The following FBXL17 variants were observed in gnomAD, a reference collection of about 807,000 sequenced individuals.
FBXL17 encodes the protein F-box and leucine rich repeat protein 17.
FBXL17 carries 22 observed loss-of-function variants against 66.2 expected under a neutral mutation model. The observed-to-expected ratio is 0.33, with a 90% CI of 0.24 to 0.47. The LOEUF (loss-of-function observed/expected upper bound fraction) is 0.47. Among genes scored for constraint, FBXL17 ranks in the 20% least tolerant of loss-of-function variants. The probability of loss-of-function intolerance (pLI) is 1.00; values close to 1 mark genes in which losing one functional copy is unlikely to be tolerated. For missense variants in FBXL17, 878 were observed against 948.2 expected (o/e 0.93, Z 0.97); for synonymous variants, 474 against 400.5 (o/e 1.18, Z -2.19).
chr5:108,093,802 T>C (rs1749273526), intron 6 of FBXL17, among the ~76,000 whole-genome samples: 1 of 152,158 alleles, frequency 6.6e-6, no homozygotes, highest in African/African-American at 2.4e-5. Flanking sequence ...TATGTTTTAT[T>C]CTAATGCTTA....
intron 6 of FBXL17, among the ~76,000 whole-genome samples, chr5:108,166,859 T>C (rs1294047929): frequency 2.0e-5 from 3 of 152,242 alleles, no homozygotes; most frequent in Non-Finnish European, 4.4e-5. Context: ...GTATGCTTCC[T>C]GGAATAATTT....
chr5:108,193,996 C>A (rs1209017957), intron 5 of FBXL17, among the ~76,000 whole-genome samples: 1 of 152,076 alleles, frequency 6.6e-6, no homozygotes, highest in African/African-American at 2.4e-5. Context: ...CTTCTAACTC[C>A]TTTTTGCCAC....
At chr5:108,042,173 C>T (rs1276680979) in intron 6 of FBXL17, among the ~76,000 whole-genome samples, 8 of 152,286 alleles carry the variant, frequency 5.3e-5, no homozygotes, top group Admixed American at 1.3e-4. Context: ...GGATTACAGG[C>T]GTGAGCCACC....
intron 4 of FBXL17, among the ~76,000 whole-genome samples, chr5:108,334,922 T>C (rs1760306458): frequency 6.6e-6 from 1 of 152,106 alleles, no homozygotes; most frequent in Admixed American, 6.5e-5. Flanking sequence ...TGTCTGAAAA[T>C]GGAAAAGTCC....
intron 7 of FBXL17, among the ~76,000 whole-genome samples, chr5:107,997,592 T>C (rs766457436): frequency 5.8e-4 from 88 of 152,292 alleles, no homozygotes; most frequent in Non-Finnish European, 7.5e-4. Context: ...CAGGTTTCAT[T>C]ACAAGAGGGC....
chr5:108,339,483 T>C (rs1167835366), intron 4 of FBXL17, among the ~76,000 whole-genome samples: 1 of 152,114 alleles, frequency 6.6e-6, no homozygotes, highest in African/African-American at 2.4e-5. Context: ...AAGACTGCAC[T>C]TCCACACTTG....
At chr5:107,937,754 GC>G (rs1750961405) in intron 7 of FBXL17, among the ~76,000 whole-genome samples, 1 of 152,062 alleles carries the variant, frequency 6.6e-6, no homozygotes, top group Admixed American at 6.6e-5. Flanking sequence ...TCACGTACTT[GC>G]CCCCATCGGC....
intron 5 of FBXL17, among the ~76,000 whole-genome samples, chr5:108,220,343 AC>A (rs1314347454): frequency 6.6e-6 from 1 of 151,942 alleles, no homozygotes; most frequent in Non-Finnish European, 1.5e-5. Context: ...TACCTGAGTT[AC>A]CCCCCAACCT....
intron 4 of FBXL17, among the ~76,000 whole-genome samples, chr5:108,279,228 C>T (rs1468091201): frequency 6.6e-6 from 1 of 152,116 alleles, no homozygotes; most frequent in Non-Finnish European, 1.5e-5. Context: ...AGAAAGACAC[C>T]TAGAGGCCCA....
At chr5:107,914,478 C>A (rs1395858004) in intron 7 of FBXL17, among the ~76,000 whole-genome samples, 6 of 152,174 alleles carry the variant, frequency 3.9e-5, no homozygotes, top group Non-Finnish European at 8.8e-5. Context: ...CCAAATTATT[C>A]AATTTTCCTT....
intron 4 of FBXL17, among the ~76,000 whole-genome samples, chr5:108,334,450 G>A (rs948079081): frequency 1.6e-4 from 24 of 152,108 alleles, no homozygotes; most frequent in African/African-American, 5.8e-4. Context: ...AAAGAATAAA[G>A]GGCATCAAAC....
intron 4 of FBXL17, among the ~76,000 whole-genome samples, chr5:108,268,759 T>C (rs1285043321): frequency 6.6e-6 from 1 of 152,118 alleles, no homozygotes; most frequent in African/African-American, 2.4e-5. Context: ...AAATGGACTA[T>C]ATGAATTACC....
chr5:108,145,017 C>A (rs1352332161), intron 6 of FBXL17, among the ~76,000 whole-genome samples: 1 of 152,024 alleles, frequency 6.6e-6, no homozygotes, highest in African/African-American at 2.4e-5. Context: ...TCAATCAAAA[C>A]CTGCTAGAAC....
chr5:108,095,027 A>C (rs567160450), intron 6 of FBXL17, among the ~76,000 whole-genome samples: 17 of 152,118 alleles, frequency 1.1e-4, no homozygotes, highest in Non-Finnish European at 2.4e-4. Flanking sequence ...GCCAAATATG[A>C]TAAGTGATAT....
At chr5:107,947,566 C>T (rs946964277) in intron 7 of FBXL17, among the ~76,000 whole-genome samples, 3 of 152,202 alleles carry the variant, frequency 2.0e-5, no homozygotes, top group Non-Finnish European at 4.4e-5. Context: ...ATGAGAAGTT[C>T]TCACTAAAAT....
At chr5:108,297,938 A>G in intron 4 of FBXL17, 2 of 970,816 alleles carry the variant, frequency 2.1e-6, no homozygotes, top group Non-Finnish European at 2.4e-6. Context: ...TTTACAGTTT[A>G]TGGCATTATA....
At chr5:108,099,324 G>A (rs1200042389) in intron 6 of FBXL17, among the ~76,000 whole-genome samples, 18 of 152,082 alleles carry the variant, frequency 1.2e-4, no homozygotes. Flanking sequence ...GTTTTCTTAG[G>A]CTAGGCCTGA....
chr5:107,982,022 T>C (rs1218584223), intron 7 of FBXL17, among the ~76,000 whole-genome samples: 3 of 152,174 alleles, frequency 2.0e-5, no homozygotes, highest in South Asian at 4.1e-4. Context: ...ATTTCTAATA[T>C]AATACGGAGT....
At chr5:108,222,636 C>T (rs1190564132) in intron 5 of FBXL17, among the ~76,000 whole-genome samples, 6 of 148,198 alleles carry the variant, frequency 4.0e-5, no homozygotes, top group Admixed American at 1.3e-4. Flanking sequence ...AATCAAACTT[C>T]GTACTAATTT....
Sources: allele counts gnomAD v4.1 joint callset (sites outside exome capture counted in the v4.1 genomes callset), GRCh38; gene constraint gnomAD v4.1.1; transcripts MANE v1.5; gene names NCBI Gene and HGNC (gene_info 2026-07-23, HGNC 2026-07-21).